Variants in DLGAP2 observed in about 807,000 individuals in gnomAD.
DLGAP2 encodes the protein DLG associated protein 2.
In DLGAP2, 26 loss-of-function variants were observed where a neutral mutation model predicts 100.3. That is an observed-to-expected ratio of 0.26 (90% CI 0.19 to 0.36). The LOEUF is 0.36. Among genes scored for constraint, DLGAP2 ranks in the 10% least tolerant of loss-of-function variants. DLGAP2 has a pLI of 1.00. For synonymous variants in DLGAP2, 886 were observed against 630.1 expected (o/e 1.41, Z -6.08); for missense variants, 1,858 against 1,453.2 (o/e 1.28, Z -4.53).
At chr8:1,227,877 A>T (rs559042299) in intron 2 of DLGAP2, among the ~76,000 whole-genome samples, 2 of 152,164 alleles carry the variant, frequency 1.3e-5, no homozygotes, top group Non-Finnish European at 2.9e-5. Context: ...GGAATTATTT[A>T]TTGCTAAATT....
At position 1,675,014 on chromosome 8, in the gene DLGAP2, A is replaced by G. The variant is rs528217910; in HGVS notation, c.2203-1519A>G. Among the ~76,000 whole-genome samples the G allele has an allele frequency of 3.9e-5, 6 of 152,338 alleles. No homozygotes were observed. The South Asian group carries it at 6.2e-4, about 16-fold the overall frequency. ...CTAGAAACGGGAATGGTAAATTCTGACAGGAAGGCCAGGATCTTCACTCAA... is the reference window on the plus strand; with the variant it reads ...CTAGAAACGGGAATGGTAAATTCTGGCAGGAAGGCCAGGATCTTCACTCAA... On this transcript the variant is annotated intron_variant, in intron 10 of 14. Transcript: ENST00000637795.
At chr8:775,034 GT>G (rs1420284068) in intron 1 of DLGAP2, among the ~76,000 whole-genome samples, 1 of 152,088 alleles carries the variant, frequency 6.6e-6, no homozygotes, top group Non-Finnish European at 1.5e-5. Flanking sequence ...TTGAGCAGTG[GT>G]TTGTAGTTCT....
intron 3 of DLGAP2, among the ~76,000 whole-genome samples, chr8:1,269,269 G>C (rs897930741): frequency 6.6e-6 from 1 of 152,190 alleles, no homozygotes; most frequent in Non-Finnish European, 1.5e-5. Flanking sequence ...TGGGTGCCGG[G>C]AGGAGGAGCC....
intron 8 of DLGAP2, among the ~76,000 whole-genome samples, chr8:1,644,116 G>A (rs1258036737): frequency 4.3e-5 from 6 of 139,118 alleles, no homozygotes; most frequent in African/African-American, 9.0e-5. Flanking sequence ...CGACCCCGCC[G>A]GCCCTCACCT....
intron 2 of DLGAP2, among the ~76,000 whole-genome samples, chr8:1,221,145 T>C (rs1348438493): frequency 6.6e-6 from 1 of 152,182 alleles, no homozygotes; most frequent in Non-Finnish European, 1.5e-5. Context: ...TGTCATGTTC[T>C]TAGCTGATCG....
chr8:855,285 G>T (rs10503151), intron 1 of DLGAP2, among the ~76,000 whole-genome samples: 1 of 152,146 alleles, frequency 6.6e-6, no homozygotes, highest in African/African-American at 2.4e-5. Flanking sequence ...GGCACTTTCA[G>T]CATGAATGCC....
chr8:1,516,354 A>C (rs1160601240), intron 4 of DLGAP2, among the ~76,000 whole-genome samples: 1 of 151,656 alleles, frequency 6.6e-6, no homozygotes, highest in Non-Finnish European at 1.5e-5. Context: ...TGAGTGAATA[A>C]GGGAGGGAGT....
intron 2 of DLGAP2, among the ~76,000 whole-genome samples, chr8:910,985 TA>T (rs1270671856): frequency 6.6e-6 from 1 of 152,128 alleles, no homozygotes; most frequent in African/African-American, 2.4e-5. Context: ...ATCGTGCAGT[TA>T]AAATAGTCCC....
intron 1 of DLGAP2, among the ~76,000 whole-genome samples, chr8:792,697 G>A (rs36067242): frequency 0.13 from 19,961 of 152,184 alleles, 1,921 homozygotes; most frequent in East Asian, 0.54. Context: ...AATAGGAATG[G>A]TGTTAGGTTT....
intron 2 of DLGAP2, among the ~76,000 whole-genome samples, chr8:1,183,633 G>C (rs1423546024): frequency 6.6e-6 from 1 of 152,200 alleles, no homozygotes; most frequent in Non-Finnish European, 1.5e-5. Flanking sequence ...ACCGCTCCTG[G>C]CTTGAGTAAG....
chr8:889,926 C>T (rs367899171), intron 1 of DLGAP2, among the ~76,000 whole-genome samples: 55 of 152,258 alleles, frequency 3.6e-4, no homozygotes, highest in African/African-American at 1.3e-3. Context: ...GTGGGTTGCA[C>T]GGTTTTGTGG....
intron 3 of DLGAP2, among the ~76,000 whole-genome samples, chr8:1,284,737 G>A (rs988928018): frequency 9.9e-5 from 15 of 152,140 alleles, no homozygotes; most frequent in African/African-American, 3.1e-4. Flanking sequence ...TCAGCCTCCC[G>A]AGTAGCTGGG....
intron 12 of DLGAP2, among the ~76,000 whole-genome samples, chr8:1,687,839 A>G (rs1027392490): frequency 6.6e-6 from 1 of 152,230 alleles, no homozygotes; most frequent in Admixed American, 6.5e-5. Context: ...AAATAAATTC[A>G]TTTATTCATC....
At chr8:1,507,381 C>T (rs1039253486) in intron 4 of DLGAP2, among the ~76,000 whole-genome samples, 9 of 152,324 alleles carry the variant, frequency 5.9e-5, no homozygotes, top group East Asian at 3.9e-4. Flanking sequence ...GCACATCCTC[C>T]GCAGCTGCTG....
chr8:1,613,194 A>G (rs1335002025), intron 6 of DLGAP2, among the ~76,000 whole-genome samples: 3 of 144,284 alleles, frequency 2.1e-5, no homozygotes, highest in Non-Finnish European at 4.5e-5. Context: ...CATATACACC[A>G]TGGAATACTA....
chr8:1,443,405 A>G (rs548059052), intron 3 of DLGAP2, among the ~76,000 whole-genome samples: 1 of 152,098 alleles, frequency 6.6e-6, no homozygotes, highest in East Asian at 1.9e-4. Context: ...CCTTCCCTCT[A>G]GCGGCTGTAC....
intron 3 of DLGAP2, among the ~76,000 whole-genome samples, chr8:1,263,418 A>G (rs548586256): frequency 1.3e-5 from 2 of 152,280 alleles, no homozygotes; most frequent in African/African-American, 2.4e-5. Context: ...AGAATCTTAT[A>G]TTTTAGAATT....
At chr8:1,172,692 T>A in intron 2 of DLGAP2, among the ~76,000 whole-genome samples, 1 of 152,228 alleles carries the variant, frequency 6.6e-6, no homozygotes, top group Non-Finnish European at 1.5e-5. Context: ...CTGGGGCTTC[T>A]GCATTCTTCA....
chr8:1,337,411 A>T (rs1468092173), intron 3 of DLGAP2, among the ~76,000 whole-genome samples: 1 of 272 alleles, frequency 3.7e-3, no homozygotes, highest in Non-Finnish European at 7.4e-3. Context: ...GATGATGGTG[A>T]TGGTGAGGAT....
Sources: gnomAD v4.1 joint callset for allele counts (sites outside exome capture counted in the v4.1 genomes callset) on GRCh38, gnomAD v4.1.1 for gene constraint, MANE v1.5 for transcripts, NCBI Gene and HGNC (gene_info 2026-07-23, HGNC 2026-07-21) for gene names.